Variants in LRMDA observed in about 807,000 individuals in gnomAD.
The protein encoded by LRMDA is leucine-rich melanocyte differentiation-associated protein.
In LRMDA, 18 loss-of-function variants were observed where a neutral mutation model predicts 29.8. The ratio of observed to expected loss-of-function variants is 0.60; its 90% CI spans 0.42 to 0.90. LRMDA has a LOEUF of 0.90. Ranked by LOEUF, LRMDA falls within the 40% of genes least tolerant of loss-of-function variation. The pLI, the probability that LRMDA is intolerant of heterozygous loss-of-function variation, is 0.00. For missense variants in LRMDA, 273 were observed against 273.9 expected, an observed-to-expected ratio of 1.00 and a Z score of 0.02; for synonymous variants, 125 against 109.4, an observed-to-expected ratio of 1.14 and a Z score of -0.89.
intron 2 of LRMDA, among the ~76,000 whole-genome samples, chr10:75,790,667 A>G (rs1843550457): frequency 6.6e-6 from 1 of 152,248 alleles, no homozygotes; most frequent in Non-Finnish European, 1.5e-5. Context: ...AGAATCATGC[A>G]CAACTTATAT....
intron 5 of LRMDA, among the ~76,000 whole-genome samples, chr10:76,161,302 GT>G (rs1850643361): frequency 6.6e-6 from 1 of 152,112 alleles, no homozygotes; most frequent in African/African-American, 2.4e-5. Flanking sequence ...GAATTTCAAC[GT>G]TGGCAGAAGC....
intron 2 of LRMDA, among the ~76,000 whole-genome samples, chr10:75,985,887 G>GTTCT (rs747390985): frequency 5.2e-4 from 79 of 152,348 alleles, no homozygotes; most frequent in Non-Finnish European, 1.1e-3. Flanking sequence ...CAATGAAGAT[G>GTTCT]GAGAAACAAG....
rs529988025 is a variant in LRMDA at position 76,206,627 on chromosome 10, G to A, written c.517-117774G>A. Among the ~76,000 whole-genome samples, 219 of 152,276 alleles carry A rather than the reference G, an allele frequency of 1.4e-3. 1 individual carries two copies. Among genetic ancestry groups the A allele is most frequent in the African/African-American group, 4.7e-3 (195 of 41,576 alleles). On this transcript the variant is annotated intron_variant, in intron 5 of 6. Transcript: ENST00000611255. ...TTTTGTGGGACTCTGGGAAGTTCTC[G>A]TTCTTCCAGGCAGCTGTGTGGGCTG...
intron 2 of LRMDA, among the ~76,000 whole-genome samples, chr10:75,916,419 T>C (rs554165290): frequency 2.0e-4 from 30 of 152,140 alleles, no homozygotes; most frequent in African/African-American, 7.0e-4. Flanking sequence ...AGGCAGCCCC[T>C]ACCTGGATGG....
chr10:75,476,213 A>G (rs1359552125), intron 2 of LRMDA, among the ~76,000 whole-genome samples: 1 of 152,184 alleles, frequency 6.6e-6, no homozygotes. Flanking sequence ...TTATGGCATC[A>G]TGTAAAGTTA....
At chr10:75,690,839 G>T (rs185801929) in intron 2 of LRMDA, among the ~76,000 whole-genome samples, 2 of 150,774 alleles carry the variant, frequency 1.3e-5, no homozygotes, top group Non-Finnish European at 3.0e-5. Flanking sequence ...TGAGCATGGC[G>T]GTGTGCACCT....
chr10:76,486,378 A>C (rs1842782599), intron 6 of LRMDA, among the ~76,000 whole-genome samples: 1 of 151,842 alleles, frequency 6.6e-6, no homozygotes, highest in Admixed American at 6.6e-5. Flanking sequence ...TATATTGTGG[A>C]TCATTCTGGA....
intron 2 of LRMDA, among the ~76,000 whole-genome samples, chr10:75,792,518 C>T (rs1372019753): frequency 6.6e-6 from 1 of 152,166 alleles, no homozygotes; most frequent in Non-Finnish European, 1.5e-5. Context: ...CCATCTTGGC[C>T]TCCCAAAGTG....
At chr10:76,223,457 A>G (rs1196874900) in intron 5 of LRMDA, among the ~76,000 whole-genome samples, 2 of 152,176 alleles carry the variant, frequency 1.3e-5, no homozygotes, top group African/African-American at 2.4e-5. Flanking sequence ...GGATGTGTCT[A>G]TAATGTTATA....
In LRMDA at chr10:75,767,118, C is replaced by G. The variant is rs562825290; in HGVS notation, c.132-268890C>G. ...GCAATAAACATATGTGTGCATGTAT[C>G]TTTATAGTAGGATGATTTATAATCC... is the stretch of plus-strand genomic sequence containing the variant. On this transcript the variant is annotated intron_variant, in intron 2 of 6. Coordinates refer to ENST00000611255, the MANE Select transcript of LRMDA (RefSeq NM_001305581.2). Among the ~76,000 whole-genome samples, 9 of 152,188 alleles carry G rather than the reference C, an allele frequency of 5.9e-5. 1 individual carries two copies. In the South Asian group the frequency reaches 1.9e-3, roughly 32 times the overall value.
chr10:75,806,211 C>T (rs745580765), intron 2 of LRMDA, among the ~76,000 whole-genome samples: 6 of 152,184 alleles, frequency 3.9e-5, no homozygotes, highest in Non-Finnish European at 5.9e-5. Flanking sequence ...AAACACCTCC[C>T]ACCAGGCCCC....
At chr10:76,252,943 T>C (rs1421655112) in intron 5 of LRMDA, among the ~76,000 whole-genome samples, 6 of 152,238 alleles carry the variant, frequency 3.9e-5, no homozygotes, top group Non-Finnish European at 8.8e-5. Context: ...AACCTGAGGA[T>C]TGGAAGAAAC....
At chr10:76,077,211 C>T (rs1162855204) in intron 5 of LRMDA, among the ~76,000 whole-genome samples, 2 of 152,180 alleles carry the variant, frequency 1.3e-5, no homozygotes, top group African/African-American at 2.4e-5. Context: ...TTCTGTTGAC[C>T]ATGCTTGAGC....
intron 6 of LRMDA, among the ~76,000 whole-genome samples, chr10:76,328,425 T>C (rs1291325044): frequency 1.3e-5 from 2 of 152,156 alleles, no homozygotes; most frequent in Non-Finnish European, 2.9e-5. Flanking sequence ...GGAGTGCAAA[T>C]ATTTTTCCCA....
At position 76,527,298 on chromosome 10, in the gene LRMDA, T is replaced by G. The variant is rs75109107; in HGVS notation, c.602-29911T>G. On this transcript the variant is annotated intron_variant, in intron 6 of 6. Coordinates refer to ENST00000611255, the MANE Select transcript of LRMDA (RefSeq NM_001305581.2). Reference sequence around the variant, plus strand: ...AAGTATGCACTACCATGTGCCAGCTTCCATTTTTGTGTATTCTGTACAGAG... The same window carrying G: ...AAGTATGCACTACCATGTGCCAGCTGCCATTTTTGTGTATTCTGTACAGAG... 4.2e-3 allele frequency among the ~76,000 whole-genome samples: 642 copies of G among 152,270 alleles called. 8 individuals carry two copies. Among genetic ancestry groups the G allele is most frequent in the African/African-American group, 0.015 (623 of 41,554 alleles).
intron 2 of LRMDA, among the ~76,000 whole-genome samples, chr10:75,796,966 G>A (rs1170462339): frequency 6.6e-6 from 1 of 152,160 alleles, no homozygotes; most frequent in Non-Finnish European, 1.5e-5. Flanking sequence ...TTAGGGATAA[G>A]GGTTATCTAC....
intron 6 of LRMDA, among the ~76,000 whole-genome samples, chr10:76,385,978 A>G (rs1841654840): frequency 6.6e-6 from 1 of 152,226 alleles, no homozygotes; most frequent in Non-Finnish European, 1.5e-5. Context: ...TGTAACAAGT[A>G]GCAATATAAT....
chr10:75,546,395 G>T (rs1357676893), intron 2 of LRMDA, among the ~76,000 whole-genome samples: 1 of 151,914 alleles, frequency 6.6e-6, no homozygotes, highest in Non-Finnish European at 1.5e-5. Context: ...GTGTACACAG[G>T]TTATGAAACA....
intron 2 of LRMDA, among the ~76,000 whole-genome samples, chr10:75,456,002 C>A (rs1048880978): frequency 6.6e-6 from 1 of 152,182 alleles, no homozygotes; most frequent in Non-Finnish European, 1.5e-5. Context: ...CTTCCCACAC[C>A]CAAAGACATA....
Sources: allele counts gnomAD v4.1 joint callset (sites outside exome capture counted in the v4.1 genomes callset), GRCh38; gene constraint gnomAD v4.1.1; transcripts MANE v1.5; gene names NCBI Gene and HGNC (gene_info 2026-07-23, HGNC 2026-07-21).